BCL2L1: variants seen among roughly 807,000 people sequenced by gnomAD.
BCL2L1 encodes BCL2 like 1.
BCL2L1 carries 1 observed loss-of-function variant against 18.7 expected under a neutral mutation model. The observed-to-expected ratio is 0.05, with a 90% confidence interval of 0.02 to 0.25. BCL2L1 has a LOEUF of 0.25. BCL2L1 is among the 10% of genes least tolerant of loss of function. The pLI is 1.00. For missense variants in BCL2L1, 207 were observed against 304.9 expected (o/e 0.68, Z 2.39); for synonymous variants, 103 against 122.7 (o/e 0.84, Z 1.06).
chr20:31,672,874 T>C (rs894893535), intron 2 of BCL2L1, among the ~76,000 whole-genome samples: 1 of 151,862 alleles, frequency 6.6e-6, no homozygotes, highest in South Asian at 2.1e-4. Flanking sequence ...TTTTTTTTTC[T>C]TGTAAATTTT....
chr20:31,694,156 A>AG (rs1264823863), intron 2 of BCL2L1, among the ~76,000 whole-genome samples: 6 of 152,062 alleles, frequency 3.9e-5, no homozygotes, highest in Non-Finnish European at 5.9e-5. Context: ...TGGCACCTGT[A>AG]GGGGGGGCTT....
intron 2 of BCL2L1, among the ~76,000 whole-genome samples, chr20:31,666,304 G>A (rs1348892230): frequency 6.6e-6 from 1 of 152,162 alleles, no homozygotes; most frequent in African/African-American, 2.4e-5. Context: ...AGGTAGAGAG[G>A]AGGAAAGTGC....
intron 2 of BCL2L1, among the ~76,000 whole-genome samples, chr20:31,676,741 G>A (rs2060768757): frequency 6.6e-6 from 1 of 152,212 alleles, no homozygotes; most frequent in African/African-American, 2.4e-5. Context: ...AGGGTGGAGT[G>A]CTGAAGTCCC....
intron 2 of BCL2L1, among the ~76,000 whole-genome samples, chr20:31,679,826 T>C (rs1343030304): frequency 3.9e-5 from 6 of 152,052 alleles, no homozygotes; most frequent in African/African-American, 7.2e-5. Context: ...ACCACACTAA[T>C]TTTTGTATTT....
intron 2 of BCL2L1, chr20:31,716,815 A>G (rs2061544049): frequency 6.6e-6 from 1 of 152,184 alleles, no homozygotes; most frequent in South Asian, 2.1e-4. Context: ...CCACACCAAT[A>G]AAAAAAGACT....
rs555431519 is a variant in BCL2L1, at chr20:31,680,818, G to A, written c.565-14732C>T. On this transcript the variant is annotated intron_variant, in intron 2 of 2. Transcript: ENST00000307677. The stretch of plus-strand genomic sequence containing the variant: ...GAGACAGGCAATAAACATGTCAGAC[G>A]GTGATGCATTAAGAAAGAATAAATG... Among the ~76,000 whole-genome samples, 5 of 152,276 alleles carry A rather than the reference G, an allele frequency of 3.3e-5. No individual in the cohort carries two copies. In the South Asian group the frequency reaches 6.2e-4, roughly 19 times the overall value.
chr20:31,694,082 G>T (rs531050142), intron 2 of BCL2L1, among the ~76,000 whole-genome samples: 39 of 152,276 alleles, frequency 2.6e-4, no homozygotes, highest in African/African-American at 9.4e-4. Flanking sequence ...GCAGCAGCTG[G>T]GGCACAGTGG....
intron 2 of BCL2L1, among the ~76,000 whole-genome samples, chr20:31,674,191 G>A (rs536310699): frequency 1.3e-5 from 2 of 152,236 alleles, no homozygotes; most frequent in African/African-American, 4.8e-5. Flanking sequence ...CAGAAAACCT[G>A]ACTTCCTTAG....
intron 2 of BCL2L1, among the ~76,000 whole-genome samples, chr20:31,716,383 A>G (rs2061537528): frequency 1.3e-5 from 2 of 152,076 alleles, no homozygotes; most frequent in Non-Finnish European, 2.9e-5. Flanking sequence ...ATAAACATGT[A>G]ATTATATATT....
In BCL2L1 at chr20:31,722,282, C is replaced by G. The variant is rs913911957; in HGVS notation, c.-64G>C. The G allele has an allele frequency of 7.4e-6, 9 of 1,214,706 alleles. No homozygotes were observed. The Admixed American group carries it at 1.6e-4, about 21-fold the overall frequency. 75.2% of individuals were successfully genotyped at this position (1,214,706 alleles called of 1,614,324 possible). ...AAACACCTGCTCACTCACTGAGTCT[C>G]GTCTCTGGTTAGTGATTCTCTTCTA... On this transcript the variant is annotated 5_prime_UTR_variant, in exon 2 of 3. Coordinates refer to ENST00000307677, the MANE Select transcript of BCL2L1 (RefSeq NM_138578.3).
At position 31,665,041 on chromosome 20, in the gene BCL2L1, C is replaced by T. The variant is rs957105328; in HGVS notation, c.*908G>A. On this transcript the variant is annotated 3_prime_UTR_variant, in exon 3 of 3. Transcript: ENST00000307677. ...GGGCTCCCATAGCTGTTCCTGATAG[C>T]TCCCTTTCACCTCAGGGCTGAGTCC... 1 of 189,002 alleles carries T rather than the reference C, an allele frequency of 5.3e-6. No homozygotes were observed. 11.7% of individuals were successfully genotyped at this position (189,002 alleles called of 1,614,324 possible).
chr20:31,669,456 GTC>G (rs2060633478), intron 2 of BCL2L1, among the ~76,000 whole-genome samples: 1 of 134,164 alleles, frequency 7.5e-6, no homozygotes, highest in Non-Finnish European at 1.5e-5. Context: ...TACTAGATGT[GTC>G]TTTTTTTTTT....
chr20:31,670,016 G>C (rs562828862), intron 2 of BCL2L1, among the ~76,000 whole-genome samples: 8 of 152,270 alleles, frequency 5.3e-5, no homozygotes, highest in Non-Finnish European at 1.0e-4. Context: ...AGACTGCCTA[G>C]CTTCAAAGGG....
chr20:31,706,542 AT>A (rs2061371285), intron 2 of BCL2L1, among the ~76,000 whole-genome samples: 1 of 152,240 alleles, frequency 6.6e-6, no homozygotes, highest in Non-Finnish European at 1.5e-5. Flanking sequence ...TGAATAAGAC[AT>A]AGTTTTTATC....
chr20:31,686,650 T>A (rs2060960049), intron 2 of BCL2L1, among the ~76,000 whole-genome samples: 1 of 152,150 alleles, frequency 6.6e-6, no homozygotes, highest in African/African-American at 2.4e-5. Flanking sequence ...TAGATTCCTG[T>A]TACTTGGACC....
At chr20:31,720,182 C>CT (rs1238826080) in intron 2 of BCL2L1, 1 of 981,868 alleles carries the variant, frequency 1.0e-6, no homozygotes, top group African/African-American at 1.8e-5. Flanking sequence ...TTTACAAGAG[C>CT]TGGCACAGAC....
intron 2 of BCL2L1, among the ~76,000 whole-genome samples, chr20:31,682,612 A>AT (rs1342242875): frequency 6.0e-5 from 9 of 150,792 alleles, no homozygotes; most frequent in African/African-American, 9.8e-5. Context: ...TGCCTGGCTA[A>AT]TTTTTTTTTC....
chr20:31,710,191 A>G (rs997383168), intron 2 of BCL2L1, among the ~76,000 whole-genome samples: 17 of 152,228 alleles, frequency 1.1e-4, no homozygotes, highest in African/African-American at 3.1e-4. Flanking sequence ...GACAGGATAA[A>G]GCCCGTGTAC....
At chr20:31,670,625 G>C (rs2060652945) in intron 2 of BCL2L1, among the ~76,000 whole-genome samples, 1 of 152,188 alleles carries the variant, frequency 6.6e-6, no homozygotes, top group African/African-American at 2.4e-5. Flanking sequence ...ACCTGCCCCA[G>C]CTTCCACTCA....
Sources: allele counts gnomAD v4.1 joint callset (sites outside exome capture counted in the v4.1 genomes callset), GRCh38; gene constraint gnomAD v4.1.1; transcripts MANE v1.5; gene names NCBI Gene and HGNC (gene_info 2026-07-23, HGNC 2026-07-21).